LNX1: variants seen among roughly 807,000 people sequenced by gnomAD.
LNX1 encodes E3 ubiquitin-protein ligase LNX.
Under a neutral mutation model 68.4 loss-of-function variants are expected in LNX1, and 54 were observed. That is an observed-to-expected ratio of 0.79 (90% CI 0.63 to 0.99). The LOEUF (loss-of-function observed/expected upper bound fraction) is 0.99. Among genes scored for constraint, LNX1 ranks in the 50% least tolerant of loss-of-function variants. The pLI, the probability that LNX1 is intolerant of heterozygous loss-of-function variation, is 0.00. For synonymous variants in LNX1, 336 were observed against 350.0 expected, an observed-to-expected ratio of 0.96 and a Z score of 0.45; for missense variants, 906 against 926.4, an observed-to-expected ratio of 0.98 and a Z score of 0.29.
At chr4:53,607,464 A>G (rs908617177) in intron 2 of LNX1, among the ~76,000 whole-genome samples, 1 of 152,212 alleles carries the variant, frequency 6.6e-6, no homozygotes, top group African/African-American at 2.4e-5. Flanking sequence ...ATCAGAGATG[A>G]CGCAAACAAA....
At chr4:53,470,822 G>T (rs529246498) in intron 9 of LNX1, among the ~76,000 whole-genome samples, 131 of 152,028 alleles carry the variant, frequency 8.6e-4, no homozygotes, top group African/African-American at 3.0e-3. Context: ...ACAAACCACT[G>T]CTCAATGAAA....
At chr4:53,466,997 G>C (rs1323550109) in intron 9 of LNX1, among the ~76,000 whole-genome samples, 1 of 152,126 alleles carries the variant, frequency 6.6e-6, no homozygotes, top group African/African-American at 2.4e-5. Context: ...AGAGACTAGT[G>C]GTTCTCCCAG....
intron 2 of LNX1, among the ~76,000 whole-genome samples, chr4:53,563,537 CT>C (rs763612909): frequency 0.021 from 2,994 of 142,324 alleles, 121 homozygotes; most frequent in Admixed American, 0.11. Context: ...GCTTCAAATT[CT>C]TTTTTTTTTT....
intron 6 of LNX1, among the ~76,000 whole-genome samples, chr4:53,482,465 T>A (rs1292668071): frequency 1.3e-5 from 2 of 152,182 alleles, no homozygotes; most frequent in African/African-American, 2.4e-5. Context: ...TAAGTGCCCA[T>A]CAACTGATAG....
At chr4:53,646,975 A>G (rs185779997) in intron 1 of LNX1, among the ~76,000 whole-genome samples, 1 of 152,362 alleles carries the variant, frequency 6.6e-6, no homozygotes, top group Non-Finnish European at 1.5e-5. Context: ...AAAGGCAGGA[A>G]GTGTCCCGGC....
chr4:53,524,369 C>T lies in LNX1; in HGVS notation c.381-16142G>A, dbSNP rs2109589548. On this transcript the variant is annotated intron_variant, in intron 2 of 10. Coordinates refer to ENST00000263925, the MANE Select transcript of LNX1 (RefSeq NM_001126328.3). Reference sequence around the variant, plus strand: ...TAAGGTAACAAATGTTTGTTGAGACCTGTACTACCATTTCACACATAGCAT... The same window carrying T: ...TAAGGTAACAAATGTTTGTTGAGACTTGTACTACCATTTCACACATAGCAT... 2.0e-5 allele frequency: 3 copies of T among 152,220 alleles called. No homozygotes were observed. The East Asian group carries it at 5.8e-4, about 29-fold the overall frequency. 9.4% of individuals were successfully genotyped at this position (152,220 alleles called of 1,614,324 possible).
At chr4:53,514,125 G>A (rs903005899) in intron 2 of LNX1, among the ~76,000 whole-genome samples, 6 of 152,116 alleles carry the variant, frequency 3.9e-5, no homozygotes, top group African/African-American at 1.2e-4. Context: ...TTTAAACAGC[G>A]GCTTCTTTTC....
At chr4:53,510,112 G>A (rs1726219645) in intron 2 of LNX1, among the ~76,000 whole-genome samples, 1 of 152,202 alleles carries the variant, frequency 6.6e-6, no homozygotes, top group African/African-American at 2.4e-5. Context: ...GGAATTAAAA[G>A]TGGTGTTACA....
chr4:53,570,430 C>T (rs968372004), intron 2 of LNX1, among the ~76,000 whole-genome samples: 11 of 139,834 alleles, frequency 7.9e-5, no homozygotes, highest in Admixed American at 6.7e-4. Context: ...AACCAAATAC[C>T]GCATATTCTG....
chr4:53,593,578 G>GA (rs965608565), upstream of LNX1, among the ~76,000 whole-genome samples: 7 of 152,092 alleles, frequency 4.6e-5, no homozygotes, highest in Middle Eastern at 3.2e-3. Flanking sequence ...TAAAGGAAGA[G>GA]AAAAAACTAC....
chr4:53,629,060 A>T (rs1734177317), intron 1 of LNX1, among the ~76,000 whole-genome samples: 1 of 152,228 alleles, frequency 6.6e-6, no homozygotes, highest in South Asian at 2.1e-4. Flanking sequence ...GCACTAAAAT[A>T]TCAGAATTTA....
chr4:53,504,140 A>G (rs1407816099), intron 4 of LNX1, among the ~76,000 whole-genome samples: 2 of 151,774 alleles, frequency 1.3e-5, no homozygotes, highest in East Asian at 3.9e-4. Context: ...CTCCGTCTCA[A>G]AAAAAAAAGA....
intron 1 of LNX1, among the ~76,000 whole-genome samples, chr4:53,645,269 G>A (rs1734845222): frequency 6.6e-6 from 1 of 152,162 alleles, no homozygotes; most frequent in South Asian, 2.1e-4. Context: ...AGCTCCCCAG[G>A]AACATTCTAG....
chr4:53,536,182 A>C (rs900975080), intron 2 of LNX1, among the ~76,000 whole-genome samples: 4 of 152,212 alleles, frequency 2.6e-5, no homozygotes, highest in African/African-American at 7.2e-5. Context: ...CCATTTCTAC[A>C]TAAACACAAT....
intron 1 of LNX1, among the ~76,000 whole-genome samples, chr4:53,630,923 A>T (rs1734243281): frequency 6.6e-6 from 1 of 152,224 alleles, no homozygotes; most frequent in Admixed American, 6.5e-5. Context: ...GAACTAGGAT[A>T]GGGCATGGGA....
chr4:53,487,130 C>T (rs1343522236), intron 6 of LNX1, among the ~76,000 whole-genome samples: 1 of 151,276 alleles, frequency 6.6e-6, no homozygotes, highest in East Asian at 2.0e-4. Flanking sequence ...TGCAACTTCC[C>T]AGAGCAGAGA....
At chr4:53,578,577 T>C (rs1199173219) in intron 1 of LNX1, among the ~76,000 whole-genome samples, 3 of 152,218 alleles carry the variant, frequency 2.0e-5, no homozygotes, top group Non-Finnish European at 4.4e-5. Flanking sequence ...TCCATGACTG[T>C]AGATATGTCA....
intron 1 of LNX1, among the ~76,000 whole-genome samples, chr4:53,648,690 C>T (rs752644722): frequency 6.6e-6 from 1 of 152,146 alleles, no homozygotes; most frequent in Non-Finnish European, 1.5e-5. Flanking sequence ...GGAGAACTGC[C>T]TCACAGCTCC....
intron 1 of LNX1, among the ~76,000 whole-genome samples, chr4:53,627,094 G>A (rs1467818307): frequency 3.3e-5 from 5 of 152,166 alleles, no homozygotes; most frequent in African/African-American, 1.2e-4. Flanking sequence ...TTTGCCCCAG[G>A]TACACTTACT....
Sources: allele counts gnomAD v4.1 joint callset (sites outside exome capture counted in the v4.1 genomes callset), GRCh38; gene constraint gnomAD v4.1.1; transcripts MANE v1.5; gene names NCBI Gene and HGNC (gene_info 2026-07-23, HGNC 2026-07-21).